The following ELAC2 variants were observed in gnomAD, a reference collection of about 807,000 sequenced individuals.
ELAC2 encodes the protein elaC ribonuclease Z 2, also known as zinc phosphodiesterase ELAC protein 2.
ELAC2 carries 92 observed loss-of-function variants against 105.2 expected under a neutral mutation model. The observed-to-expected ratio is 0.87, with a 90% CI of 0.74 to 1.04. The LOEUF (loss-of-function observed/expected upper bound fraction) is 1.04. Ranked by LOEUF, ELAC2 falls within the 50% of genes least tolerant of loss-of-function variation. ELAC2 has a pLI of 0.00. For synonymous variants in ELAC2, 468 were observed against 409.1 expected, an observed-to-expected ratio of 1.14 and a Z score of -1.74; for missense variants, 1,099 against 1,071.7, an observed-to-expected ratio of 1.03 and a Z score of -0.36.
intron 16 of ELAC2, among the ~76,000 whole-genome samples, chr17:12,997,499 C>T (rs540798573): frequency 6.6e-6 from 1 of 152,284 alleles, no homozygotes; most frequent in African/African-American, 2.4e-5. Context: ...CCATTAGCTT[C>T]AGCTGGTTCA....
rs185597335 is a variant in ELAC2 at position 13,015,107 on chromosome 17, G to C, written c.433-611C>G. ...GGAGCCCATGAAGGGCTTTAGGGTG[G>C]CAAGTGACACACTACTTTTCTGTCT... On this transcript the variant is annotated intron_variant, in intron 4 of 23. Transcript: ENST00000338034. Among the ~76,000 whole-genome samples the C allele has an allele frequency of 9.2e-5, 14 of 152,330 alleles. No homozygotes were observed. The East Asian group carries it at 2.7e-3, about 29-fold the overall frequency.
In ELAC2 at chr17:13,006,076, A is replaced by T. The variant is rs559182706; in HGVS notation, c.739-97T>A. On this transcript the variant is annotated intron_variant, in intron 8 of 23. Coordinates refer to ENST00000338034, the MANE Select transcript of ELAC2 (RefSeq NM_018127.7). ...AAGTGTATTTTTCTAGATTAAAAAA[A>T]AATAATAATGTTGGCCAGGCACGGT... The T allele has an allele frequency of 1.1e-4, 144 of 1,326,710 alleles. 3 individuals are homozygous for T. In the South Asian group the frequency reaches 1.4e-3, roughly 13 times the overall value. 82.2% of individuals were successfully genotyped at this position (1,326,710 alleles called of 1,614,324 possible).
At chr17:12,994,302 C>A (rs2040353801) in intron 22 of ELAC2, 123 bp downstream of exon 22, 2 of 1,118,764 alleles carry the variant, frequency 1.8e-6, no homozygotes. Context: ...CAAGGAAGCC[C>A]CCATAGCCCT....
chr17:13,015,660 C>G (rs2041673327), intron 4 of ELAC2, 108 bp downstream of exon 4: 1 of 889,190 alleles, frequency 1.1e-6, no homozygotes, highest in Non-Finnish European at 1.9e-6. Context: ...GTTTCAACGA[C>G]CAGGTATCTC....
intron 21 of ELAC2, 27 bp from the exon 22 acceptor site, chr17:12,994,530 C>A: frequency 6.2e-7 from 1 of 1,613,918 alleles, no homozygotes; most frequent in Non-Finnish European, 8.5e-7. Flanking sequence ...AGGATCAGGG[C>A]AGAGTTCTCT....
chr17:13,009,834 C>T (rs1264152931), intron 8 of ELAC2, among the ~76,000 whole-genome samples: 1 of 151,952 alleles, frequency 6.6e-6, no homozygotes, highest in African/African-American at 2.4e-5. Context: ...ACTAAAAATA[C>T]AAAAATTAAC....
At position 12,995,729 on chromosome 17, in the gene ELAC2, C is replaced by A; in HGVS notation, c.1782G>T (p.Gln594His). ...TGATGTGGTGCAGGACCTCCTGGCACTGGTTGTGGTACTGCTGGAGCCAGG... is the reference window on the plus strand; with the variant it reads ...TGATGTGGTGCAGGACCTCCTGGCAATGGTTGTGGTACTGCTGGAGCCAGG... ...LKAWLQQYHN[Q>H]CQEVLHHISM... is the part of the protein sequence containing the mutation. The change falls in exon 19 of 24, where the codon CAG becomes CAT. Residue 594 changes from glutamine (Q) to histidine (H), a missense_variant. Gln to His is a conservative substitution (Grantham distance 24). Transcript: ENST00000338034. The A allele has an allele frequency of 6.2e-7, 1 of 1,612,520 alleles. No homozygotes were observed.
intron 4 of ELAC2, among the ~76,000 whole-genome samples, 168 bp from the exon 5 acceptor site, chr17:13,014,664 G>A (rs1471673540): frequency 1.3e-5 from 2 of 152,146 alleles, no homozygotes; most frequent in Non-Finnish European, 2.9e-5. Context: ...TATATCAGAT[G>A]CCAAGGATAT....
At chr17:13,009,495 C>T (rs1373731210) in intron 8 of ELAC2, among the ~76,000 whole-genome samples, 1 of 152,228 alleles carries the variant, frequency 6.6e-6, no homozygotes, top group African/African-American at 2.4e-5. Flanking sequence ...TGACCAATTT[C>T]AGAGTTACAG....
Position 13,017,135 on chromosome 17 carries a change from A to G in ELAC2, c.246-14T>C, listed in dbSNP as rs779958125. 6 of 1,612,070 alleles carry G rather than the reference A, an allele frequency of 3.7e-6. No individual in the cohort carries two copies. In the Admixed American group the frequency reaches 5.0e-5, roughly 13 times the overall value. On this transcript the variant is annotated splice_polypyrimidine_tract_variant and intron_variant, in intron 1 of 23. Transcript: ENST00000338034. The stretch of plus-strand genomic sequence containing the variant: ...TTGAAGAGATACCTACAAGACAAAC[A>G]TTACACAAGACATTCAGAAGGTTTT...
At chr17:12,993,098 G>C (rs1170034594) in intron 23 of ELAC2, 53 bp from the exon 24 acceptor site, 1 of 1,564,722 alleles carries the variant, frequency 6.4e-7, no homozygotes, top group Non-Finnish European at 8.7e-7. Flanking sequence ...AGGGGTGGGG[G>C]ACAGGAGCTG....
chr17:13,004,686 G>A (rs376647998), intron 11 of ELAC2, among the ~76,000 whole-genome samples: 1 of 152,164 alleles, frequency 6.6e-6, no homozygotes, highest in Non-Finnish European at 1.5e-5. Flanking sequence ...TGATAATCTG[G>A]GGCATTAGTT....
intron 23 of ELAC2, 45 bp downstream of exon 23, chr17:12,993,642 T>G: frequency 6.2e-7 from 1 of 1,613,416 alleles, no homozygotes; most frequent in Non-Finnish European, 8.5e-7. Context: ...GAGTCCTGTC[T>G]CCCTGCCCCG....
chr17:12,998,426 T>G lies in ELAC2; in HGVS notation c.1506A>C (p.Thr502=). The change falls in exon 16 of 24, where the codon ACA becomes ACC. Residue 502 remains threonine, a synonymous_variant. Transcript: ENST00000338034. Reference sequence around the variant, plus strand: ...AAGCAGCATACCTTATGTTGACAAGTGTGGCACTGACATTTCGAATCTTCA... The same window carrying G: ...AAGCAGCATACCTTATGTTGACAAGGGTGGCACTGACATTTCGAATCTTCA... The part of the protein sequence containing the change: ...IPMKIRNVSA[T]LVNISPDTSL... 1 of 1,614,130 alleles carries G rather than the reference T, an allele frequency of 6.2e-7. No homozygotes were observed. The highest frequency in any genetic ancestry group is 1.1e-5 in the South Asian group (1 of 91,076).
intron 7 of ELAC2, among the ~76,000 whole-genome samples, chr17:13,011,268 G>A (rs1328791930): frequency 1.3e-5 from 2 of 152,250 alleles, no homozygotes; most frequent in Admixed American, 6.5e-5. Context: ...TCTGGAAGAC[G>A]TGCAGAGCCT....
chr17:13,005,704 T>C, intron 10 of ELAC2, 49 bp downstream of exon 10: 2 of 1,595,096 alleles, frequency 1.3e-6, no homozygotes, highest in South Asian at 2.2e-5. Context: ...CTGCCCAGCA[T>C]TTCAGACCCT....
At chr17:13,000,509 C>G (rs188001453) in intron 14 of ELAC2, 4 of 550,312 alleles carry the variant, frequency 7.3e-6, no homozygotes, top group East Asian at 3.3e-5. Flanking sequence ...CAGGGCAAGA[C>G]AGTTTTTTTC....
intron 19 of ELAC2, among the ~76,000 whole-genome samples, chr17:12,995,480 G>T (rs904877074): frequency 5.9e-5 from 9 of 152,238 alleles, no homozygotes; most frequent in East Asian, 1.9e-4. Context: ...CTCAAATGAG[G>T]ACTGGGAAGA....
chr17:12,994,727 A>G (rs2040379465), intron 21 of ELAC2, 37 bp downstream of exon 21: 1 of 1,613,324 alleles, frequency 6.2e-7, no homozygotes. Flanking sequence ...CAAACCCCAG[A>G]GCAACCTCAG....
Sources: allele counts gnomAD v4.1 joint callset (sites outside exome capture counted in the v4.1 genomes callset), GRCh38; gene constraint gnomAD v4.1.1; transcripts MANE v1.5; gene names NCBI Gene and HGNC (gene_info 2026-07-23, HGNC 2026-07-21).